TJP1: variants seen among roughly 807,000 people sequenced by gnomAD.
TJP1 encodes the protein tight junction protein ZO-1.
Under a neutral mutation model 194.2 loss-of-function variants are expected in TJP1, and 43 were observed. The observed-to-expected ratio is 0.22, with a 90% CI of 0.17 to 0.29. The LOEUF (loss-of-function observed/expected upper bound fraction) is 0.29. Ranked by LOEUF, TJP1 falls within the 10% of genes least tolerant of loss-of-function variation. The pLI is 1.00. For synonymous variants in TJP1, 801 were observed against 779.0 expected (o/e 1.03, Z -0.47); for missense variants, 1,971 against 2,185.7 (o/e 0.90, Z 1.96).
At chr15:29,798,934 T>C (rs1011582587) in intron 2 of TJP1, among the ~76,000 whole-genome samples, 3 of 152,226 alleles carry the variant, frequency 2.0e-5, no homozygotes, top group Non-Finnish European at 2.9e-5. Flanking sequence ...TCCATTTACA[T>C]GACATTCTAG....
At chr15:29,833,881 A>ATATTTTT (rs1555434000) in intron 2 of TJP1, among the ~76,000 whole-genome samples, 1 of 12,616 alleles carries the variant, frequency 7.9e-5, no homozygotes, top group African/African-American at 3.0e-4. Context: ...ATATATATAT[A>ATATTTTT]TTTTTTTTTT....
chr15:29,754,955 T>C (rs2045552023), intron 8 of TJP1, among the ~76,000 whole-genome samples: 2 of 152,106 alleles, frequency 1.3e-5, no homozygotes, highest in Non-Finnish European at 2.9e-5. Context: ...CGAAAACAAT[T>C]ATGGAAGGTA....
At chr15:29,893,421 G>A (rs982865150) in intron 2 of TJP1, among the ~76,000 whole-genome samples, 4 of 152,296 alleles carry the variant, frequency 2.6e-5, no homozygotes, top group Admixed American at 6.5e-5. Flanking sequence ...TTTGAAAGAA[G>A]TCCTACCGTA....
chr15:29,732,211 T>C, intron 15 of TJP1: 1 of 550,016 alleles, frequency 1.8e-6, no homozygotes, highest in East Asian at 3.0e-5. Flanking sequence ...GCAATTTTCA[T>C]ATGAAGCCAA....
chr15:29,830,464 G>A (rs1274041754), intron 2 of TJP1, among the ~76,000 whole-genome samples: 4 of 150,038 alleles, frequency 2.7e-5, no homozygotes. Flanking sequence ...TAGTTTTGAA[G>A]CTACATATAA....
intron 1 of TJP1, among the ~76,000 whole-genome samples, chr15:29,811,637 CTG>C (rs1206352214): frequency 1.3e-5 from 2 of 152,190 alleles, no homozygotes; most frequent in South Asian, 2.1e-4. Flanking sequence ...AGACTAAGGA[CTG>C]TATCTCTTAT....
At chr15:29,894,355 A>G (rs2053409889) in intron 2 of TJP1, among the ~76,000 whole-genome samples, 2 of 152,316 alleles carry the variant, frequency 1.3e-5, no homozygotes, top group South Asian at 4.1e-4. Context: ...GCTACCTGGG[A>G]GACGGAGGCA....
Position 29,761,200 on chromosome 15 carries a change from CAGG to C in TJP1, c.946_948del (p.Pro316del). ...TGATCAGAAGGCTCTGACCGCTGGT[CAGG>C]AGATCGTGACCGGCTGCGGCGGGGA... On this transcript the variant is annotated inframe_deletion, in exon 8 of 28. Transcript: ENST00000614355. The C allele has an allele frequency of 6.2e-7, 1 of 1,614,064 alleles. No homozygotes were observed. The highest frequency in any genetic ancestry group is 1.1e-5 in the South Asian group (1 of 91,072).
At chr15:29,890,586 G>A (rs2053271416) in intron 2 of TJP1, among the ~76,000 whole-genome samples, 1 of 152,168 alleles carries the variant, frequency 6.6e-6, no homozygotes, top group Non-Finnish European at 1.5e-5. Flanking sequence ...TAATGTTCTG[G>A]TAAATATGGC....
chr15:29,705,611 G>C lies in TJP1; in HGVS notation c.4985C>G (p.Ala1662Gly), dbSNP rs1173323794. The change falls in exon 26 of 28, where the codon GCC becomes GGC. Residue 1662 changes from alanine to glycine, a missense_variant. By Grantham distance (60) the Ala-to-Gly change is moderately conservative. Transcript: ENST00000614355. The stretch of plus-strand genomic sequence containing the variant: ...TTCCTGCTCAACTCCTTCGGGAATG[G>C]CTCCTTGAGGGATAATTATACTAAC... ...TGVSIIIPQGAIPEGVEQEIY... is the reference protein window; with the variant it reads ...TGVSIIIPQGGIPEGVEQEIY... 3.1e-6 allele frequency: 5 copies of C among 1,614,102 alleles called. No individual in the cohort carries two copies. The highest frequency in any genetic ancestry group is 4.2e-6 in the Non-Finnish European group (5 of 1,180,052).
chr15:29,755,529 A>G (rs1241015787), intron 8 of TJP1, among the ~76,000 whole-genome samples: 2 of 152,214 alleles, frequency 1.3e-5, no homozygotes, highest in Non-Finnish European at 2.9e-5. Flanking sequence ...AGCTGTATCA[A>G]TGCTGACACA....
At position 29,761,246 on chromosome 15, in the gene TJP1, A is replaced by G; in HGVS notation, c.903T>C (p.Gly301=). ...EIQSLASDHS[G]RSHDRPPRRS... ...GGCGGGGAGGCCTATCGTGTGATCG[A>G]CCAGAATGATCTGATGCCAGTGACT... Residue 301 remains glycine (G), a synonymous_variant, in exon 8 of 28, where the codon GGT becomes GGC. Coordinates refer to ENST00000614355, the MANE Select transcript of TJP1 (RefSeq NM_001330239.4). 6.2e-7 allele frequency: 1 copy of G among 1,614,106 alleles called. No individual in the cohort carries two copies. Among genetic ancestry groups the G allele is most frequent in the Non-Finnish European group, 8.5e-7 (1 of 1,180,014 alleles).
intron 1 of TJP1, among the ~76,000 whole-genome samples, chr15:29,802,419 C>A (rs2048847220): frequency 6.6e-6 from 1 of 152,130 alleles, no homozygotes; most frequent in South Asian, 2.1e-4. Context: ...ACTAGATTAT[C>A]CTGCCAGATG....
intron 2 of TJP1, among the ~76,000 whole-genome samples, chr15:29,786,273 C>T (rs772836326): frequency 6.6e-6 from 1 of 152,092 alleles, no homozygotes; most frequent in Non-Finnish European, 1.5e-5. Flanking sequence ...CATTCCTGTT[C>T]CATTTTCTTA....
At chr15:29,851,610 C>T (rs2051644593) in intron 2 of TJP1, among the ~76,000 whole-genome samples, 1 of 151,868 alleles carries the variant, frequency 6.6e-6, no homozygotes. Context: ...TATTCTAAAG[C>T]TTATATGGAA....
intron 2 of TJP1, among the ~76,000 whole-genome samples, chr15:29,842,298 A>C (rs368914231): frequency 6.6e-6 from 1 of 152,220 alleles, no homozygotes; most frequent in Non-Finnish European, 1.5e-5. Flanking sequence ...AATGTGAGCT[A>C]TACATACATT....
intron 2 of TJP1, among the ~76,000 whole-genome samples, chr15:29,887,490 G>T (rs2152146236): frequency 6.6e-6 from 1 of 151,754 alleles, no homozygotes; most frequent in South Asian, 2.1e-4. Flanking sequence ...AAATAGAAAT[G>T]AGGTTTCACC....
intron 11 of TJP1, 99 bp downstream of exon 11, chr15:29,737,165 C>T (rs969280818): frequency 1.4e-6 from 2 of 1,436,568 alleles, no homozygotes; most frequent in Non-Finnish European, 1.9e-6. Context: ...AGACTGCTTA[C>T]AGATTACAAT....
chr15:29,737,414 C>A lies in TJP1; in HGVS notation c.1257G>T (p.Arg419=). The A allele has an allele frequency of 6.2e-7, 1 of 1,614,074 alleles. No individual in the cohort carries two copies. The highest frequency in any genetic ancestry group is 8.5e-7 in the Non-Finnish European group (1 of 1,179,994). The change falls in exon 11 of 28, where the codon CGG becomes CGT. Residue 419 remains arginine (R), a splice_region_variant and synonymous_variant. Transcript: ENST00000614355. ...PNSTHEDGIL[R]PSMKLVKFRK... is the part of the protein sequence containing the mutation. ...TGAATTTTACCAATTTCATGCTGGG[C>A]CTGTTAAAACAGATATTTCATTTGA...
Sources: gnomAD v4.1 joint callset for allele counts (sites outside exome capture counted in the v4.1 genomes callset) on GRCh38, gnomAD v4.1.1 for gene constraint, MANE v1.5 for transcripts, NCBI Gene and HGNC (gene_info 2026-07-23, HGNC 2026-07-21) for gene names.